ATP2C2: variants seen among roughly 807,000 people sequenced by gnomAD.
ATP2C2 encodes the protein ATPase secretory pathway Ca2+ transporting 2.
In ATP2C2, 171 loss-of-function variants were observed where a neutral mutation model predicts 110.8. The observed-to-expected ratio is 1.54, with a 90% CI of 1.36 to 1.75. ATP2C2 has a LOEUF of 1.75. Among genes scored for constraint, ATP2C2 ranks in the 40% most tolerant of loss-of-function variants. The probability of loss-of-function intolerance (pLI) is 0.00; values close to 1 mark genes in which losing one functional copy is unlikely to be tolerated. For synonymous variants in ATP2C2, 804 were observed against 508.4 expected (o/e 1.58, Z -7.82); for missense variants, 1,963 against 1,235.0 (o/e 1.59, Z -8.84).
chr16:84,410,022 C>T (rs943991798), intron 4 of ATP2C2, among the ~76,000 whole-genome samples: 3 of 152,048 alleles, frequency 2.0e-5, no homozygotes, highest in Admixed American at 1.3e-4. Flanking sequence ...TCCTGGCCCA[C>T]ATGGTGAAAG....
At chr16:84,418,675 ACCCCGGG>A (rs1473081470) in intron 7 of ATP2C2, among the ~76,000 whole-genome samples, 1 of 151,740 alleles carries the variant, frequency 6.6e-6, no homozygotes, top group Non-Finnish European at 1.5e-5. Context: ...GGGGGACATG[ACCCCGGG>A]CCTCTAGCTC....
intron 23 of ATP2C2, chr16:84,459,788 G>A: frequency 1.8e-6 from 1 of 544,736 alleles, no homozygotes; most frequent in South Asian, 2.1e-5. Context: ...TTTTCCTTAT[G>A]GATCTGATTG....
chr16:84,383,522 T>C lies in ATP2C2; in HGVS notation c.99+14808T>C, dbSNP rs149989194. On this transcript the variant is annotated intron_variant, in intron 1 of 26. Transcript: ENST00000262429. ...TGTTTCTTCCCAGCCATACCGTTAT[T>C]CTGGAATCATTTCTTCATTTATTGT... Among the ~76,000 whole-genome samples, 629 of 152,326 alleles carry C rather than the reference T, an allele frequency of 4.1e-3. 16 individuals are homozygous for C. Among genetic ancestry groups the C allele is most frequent in the Non-Finnish European group, 4.9e-3 (336 of 68,026 alleles).
rs558254048 is a variant in ATP2C2, at chr16:84,412,288, G to A, written c.515+1523G>A. On this transcript the variant is annotated intron_variant, in intron 6 of 26. Coordinates refer to ENST00000262429, the MANE Select transcript of ATP2C2 (RefSeq NM_014861.4). Reference sequence around the variant, plus strand: ...TATGTATGTGTGTACGTGTGTGCACGTATGTGTGTGTGTGAGCATGTCTGC... The same window carrying A: ...TATGTATGTGTGTACGTGTGTGCACATATGTGTGTGTGTGAGCATGTCTGC... Among the ~76,000 whole-genome samples, 7 of 63,022 alleles carry A rather than the reference G, an allele frequency of 1.1e-4. No individual in the cohort carries two copies. The East Asian group carries it at 2.5e-3, about 23-fold the overall frequency. The allele number at this position is 63,022 out of a possible 152,430, so 41.3% of individuals were successfully genotyped here. A position where few individuals can be genotyped will look rare whatever the true frequency, so the allele number is the denominator to read the frequency against.
chr16:84,462,250 C>A, intron 26 of ATP2C2, 121 bp downstream of exon 26: 1 of 1,333,686 alleles, frequency 7.5e-7, no homozygotes. Context: ...TCACCAGGGG[C>A]CGGCTCTGTC....
chr16:84,389,757 G>A (rs1904540436), intron 1 of ATP2C2, among the ~76,000 whole-genome samples: 1 of 129,992 alleles, frequency 7.7e-6, no homozygotes, highest in Non-Finnish European at 1.6e-5. Context: ...GTTTAGCTCT[G>A]TCACCCAGGC....
chr16:84,447,658 AAT>A (rs1909868415), intron 16 of ATP2C2, among the ~76,000 whole-genome samples: 1 of 146,904 alleles, frequency 6.8e-6, no homozygotes, highest in Non-Finnish European at 1.5e-5. Context: ...TATAATATGT[AAT>A]ATATATTACA....
chr16:84,417,600 A>G (rs559901414), intron 7 of ATP2C2, among the ~76,000 whole-genome samples: 1 of 152,276 alleles, frequency 6.6e-6, no homozygotes, highest in East Asian at 1.9e-4. Flanking sequence ...CTTATGTTAA[A>G]TTAAACTGTG....
intron 2 of ATP2C2, among the ~76,000 whole-genome samples, chr16:84,398,848 G>C (rs892253739): frequency 6.6e-6 from 1 of 152,218 alleles, no homozygotes. Context: ...GAGACACTCT[G>C]TGTACGCTGC....
intron 10 of ATP2C2, among the ~76,000 whole-genome samples, chr16:84,423,526 G>T (rs1907544358): frequency 6.6e-6 from 1 of 152,240 alleles, no homozygotes; most frequent in East Asian, 1.9e-4. Flanking sequence ...AAGTCCGTGG[G>T]TGTATTCCTG....
At chr16:84,410,244 A>G (rs180825422) in intron 4 of ATP2C2, among the ~76,000 whole-genome samples, 1 of 152,230 alleles carries the variant, frequency 6.6e-6, no homozygotes, top group South Asian at 2.1e-4. Flanking sequence ...CACATCTGCT[A>G]TGGAGAAGGG....
intron 7 of ATP2C2, among the ~76,000 whole-genome samples, chr16:84,418,497 G>A (rs1020392379): frequency 2.6e-5 from 4 of 152,174 alleles, no homozygotes; most frequent in Non-Finnish European, 5.9e-5. Context: ...ATATTTTTCA[G>A]TATAACAGGT....
intron 1 of ATP2C2, among the ~76,000 whole-genome samples, chr16:84,373,846 T>C (rs1321231685): frequency 6.6e-6 from 1 of 152,254 alleles, no homozygotes; most frequent in Non-Finnish European, 1.5e-5. Context: ...TTAAACTCTT[T>C]TGAACTTTTG....
chr16:84,376,420 T>C (rs1910251979), intron 1 of ATP2C2, among the ~76,000 whole-genome samples: 1 of 152,236 alleles, frequency 6.6e-6, no homozygotes, highest in Non-Finnish European at 1.5e-5. Context: ...CACAAGGGAT[T>C]ACTACTGGGT....
intron 1 of ATP2C2, among the ~76,000 whole-genome samples, chr16:84,372,589 T>C (rs375497435): frequency 6.6e-6 from 1 of 151,778 alleles, no homozygotes; most frequent in Non-Finnish European, 1.5e-5. Context: ...CACACCCAGC[T>C]AATTTTTGTA....
intron 11 of ATP2C2, among the ~76,000 whole-genome samples, chr16:84,426,568 T>A (rs1481022555): frequency 6.6e-6 from 1 of 152,094 alleles, no homozygotes; most frequent in Non-Finnish European, 1.5e-5. Context: ...CCAGCAAGTT[T>A]CTTAGCTCTC....
chr16:84,423,185 C>T lies in ATP2C2; in HGVS notation c.844-3C>T. 2 of 1,613,778 alleles carry T rather than the reference C, an allele frequency of 1.2e-6. No individual in the cohort carries two copies. Among genetic ancestry groups the T allele is most frequent in the Non-Finnish European group, 1.7e-6 (2 of 1,179,684 alleles). ...AACTAACCCATTGTGCTCACCCTTT[C>T]AGACACCTAAAACTCCTTTGCAGAA... is the stretch of plus-strand genomic sequence containing the variant. On this transcript the variant is annotated splice_region_variant and splice_polypyrimidine_tract_variant and intron_variant, in intron 9 of 26. Transcript: ENST00000262429.
chr16:84,382,709 C>T lies in ATP2C2; in HGVS notation c.99+13995C>T, dbSNP rs552862791. ...AAAAGTTTGAGACCAGCCTGGCCAACGTGGCAAAACCCCGTCTCTACTAAA... is the reference window on the plus strand; with the variant it reads ...AAAAGTTTGAGACCAGCCTGGCCAATGTGGCAAAACCCCGTCTCTACTAAA... On this transcript the variant is annotated intron_variant, in intron 1 of 26. Transcript: ENST00000262429. Among the ~76,000 whole-genome samples the T allele has an allele frequency of 1.3e-4, 20 of 152,232 alleles. No homozygotes were observed. In the South Asian group the frequency reaches 2.7e-3, roughly 21 times the overall value.
chr16:84,408,130 A>C (rs1244684015), intron 3 of ATP2C2, among the ~76,000 whole-genome samples: 2 of 152,090 alleles, frequency 1.3e-5, no homozygotes, highest in African/African-American at 4.8e-5. Context: ...CGTCATGGAG[A>C]TGTGGAGAGG....
Sources: allele counts gnomAD v4.1 joint callset (sites outside exome capture counted in the v4.1 genomes callset), GRCh38; gene constraint gnomAD v4.1.1; transcripts MANE v1.5; gene names NCBI Gene and HGNC (gene_info 2026-07-23, HGNC 2026-07-21).